RABGAP1L: variants seen among roughly 807,000 people sequenced by gnomAD.
RABGAP1L encodes rab GTPase-activating protein 1-like.
Under a neutral mutation model 137.7 loss-of-function variants are expected in RABGAP1L, and 63 were observed. The observed-to-expected ratio is 0.46, with a 90% CI of 0.37 to 0.56. The LOEUF is 0.56. Among genes scored for constraint, RABGAP1L ranks in the 20% least tolerant of loss-of-function variants. The pLI is 0.00. For missense variants in RABGAP1L, 1,095 were observed against 1,244.0 expected, an observed-to-expected ratio of 0.88 and a Z score of 1.80; for synonymous variants, 431 against 433.7, an observed-to-expected ratio of 0.99 and a Z score of 0.08.
chr1:174,633,161 A>G (rs922866390), intron 13 of RABGAP1L, among the ~76,000 whole-genome samples: 2 of 151,020 alleles, frequency 1.3e-5, no homozygotes, highest in Non-Finnish European at 2.9e-5. Flanking sequence ...AATCTCCTTA[A>G]GCTGATAAGC....
intron 1 of RABGAP1L, among the ~76,000 whole-genome samples, chr1:174,216,520 T>C (rs1669331889): frequency 6.6e-6 from 1 of 151,866 alleles, no homozygotes; most frequent in Admixed American, 6.6e-5. Context: ...GCCATTACCT[T>C]GTAACAGGAT....
intron 16 of RABGAP1L, chr1:174,701,258 T>C (rs886259296): frequency 6.6e-5 from 81 of 1,234,372 alleles, no homozygotes; most frequent in Non-Finnish European, 8.0e-5. Context: ...TTAGAAGATA[T>C]CCAATTTTAT....
intron 14 of RABGAP1L, among the ~76,000 whole-genome samples, chr1:174,670,118 G>A (rs1677067008): frequency 6.6e-6 from 1 of 151,836 alleles, no homozygotes; most frequent in African/African-American, 2.4e-5. Flanking sequence ...ATGAACATGG[G>A]ATATCTTTCC....
chr1:174,242,022 T>G (rs989162367), intron 5 of RABGAP1L, among the ~76,000 whole-genome samples: 1 of 152,246 alleles, frequency 6.6e-6, no homozygotes, highest in African/African-American at 2.4e-5. Context: ...ACGATACCTG[T>G]TTCTCTGATG....
intron 9 of RABGAP1L, among the ~76,000 whole-genome samples, chr1:174,276,262 C>T (rs138905620): frequency 1.1e-3 from 174 of 152,266 alleles, no homozygotes; most frequent in African/African-American, 4.1e-3. Flanking sequence ...ACCTCAGCCT[C>T]CTGAGTAGCT....
intron 10 of RABGAP1L, among the ~76,000 whole-genome samples, chr1:174,286,093 A>G (rs1558100194): frequency 6.6e-6 from 1 of 152,142 alleles, no homozygotes; most frequent in Non-Finnish European, 1.5e-5. Flanking sequence ...GCCCCATGAA[A>G]TGAGTTTGCA....
intron 19 of RABGAP1L, among the ~76,000 whole-genome samples, chr1:174,870,632 G>A (rs1652025480): frequency 6.6e-6 from 1 of 152,018 alleles, no homozygotes; most frequent in Admixed American, 6.6e-5. Flanking sequence ...TACAAAAAAG[G>A]AATAATTATG....
intron 13 of RABGAP1L, among the ~76,000 whole-genome samples, chr1:174,523,670 T>C (rs142159872): frequency 1.3e-5 from 2 of 152,358 alleles, no homozygotes; most frequent in Admixed American, 6.5e-5. Flanking sequence ...TTTTGAAATA[T>C]ATGATAATAC....
At chr1:174,637,598 G>A (rs1174515620) in intron 14 of RABGAP1L, 110 bp downstream of exon 14, 6 of 781,998 alleles carry the variant, frequency 7.7e-6, no homozygotes, top group Admixed American at 4.6e-5. Flanking sequence ...ACTATGCCAT[G>A]TTTTCTGCTT....
At chr1:174,165,075 T>C (rs974154944) in intron 1 of RABGAP1L, among the ~76,000 whole-genome samples, 1 of 152,158 alleles carries the variant, frequency 6.6e-6, no homozygotes, top group Non-Finnish European at 1.5e-5. Flanking sequence ...ACAGTGATAA[T>C]GAAAGGCAGA....
At chr1:174,770,032 T>A (rs573494827) in intron 18 of RABGAP1L, among the ~76,000 whole-genome samples, 4 of 152,142 alleles carry the variant, frequency 2.6e-5, no homozygotes, top group African/African-American at 9.7e-5. Flanking sequence ...GTTACAAAAA[T>A]AGAAGTCTAA....
At chr1:174,777,208 G>A (rs1482751987) in intron 18 of RABGAP1L, among the ~76,000 whole-genome samples, 1 of 152,098 alleles carries the variant, frequency 6.6e-6, no homozygotes, top group Admixed American at 6.5e-5. Flanking sequence ...CTTTTTATGT[G>A]ATGGTATGTG....
At chr1:174,227,493 G>A (rs1052163401) in intron 3 of RABGAP1L, among the ~76,000 whole-genome samples, 3 of 151,748 alleles carry the variant, frequency 2.0e-5, no homozygotes, top group African/African-American at 4.8e-5. Context: ...GAGTCACTGC[G>A]CCCAGCTGAC....
intron 19 of RABGAP1L, chr1:174,874,359 A>G: frequency 2.0e-6 from 1 of 500,766 alleles, no homozygotes. Flanking sequence ...CTCAATTTAC[A>G]TGACCATGAG....
chr1:174,916,943 C>CTGCAGTT (rs1246158834), intron 19 of RABGAP1L, among the ~76,000 whole-genome samples: 5 of 152,186 alleles, frequency 3.3e-5, no homozygotes, highest in Non-Finnish European at 7.4e-5. Context: ...ATATTTATGT[C>CTGCAGTT]TGCAGTTTTG....
chr1:174,754,450 T>C (rs1684563321), intron 18 of RABGAP1L, among the ~76,000 whole-genome samples: 2 of 152,166 alleles, frequency 1.3e-5, no homozygotes, highest in South Asian at 4.1e-4. Context: ...ATTAAAAACT[T>C]TGGAGAAGTT....
At chr1:174,890,438 G>A (rs1285054253) in intron 19 of RABGAP1L, among the ~76,000 whole-genome samples, 1 of 152,138 alleles carries the variant, frequency 6.6e-6, no homozygotes, top group African/African-American at 2.4e-5. Context: ...AGCCAGTAAG[G>A]TTCTAATTAT....
At chr1:174,900,694 A>G (rs1426162665) in intron 19 of RABGAP1L, among the ~76,000 whole-genome samples, 1 of 151,952 alleles carries the variant, frequency 6.6e-6, no homozygotes. Context: ...TAATTTTTCT[A>G]TTTTTAGTAG....
chr1:174,619,111 AC>A (rs1318984736), intron 13 of RABGAP1L, among the ~76,000 whole-genome samples: 1 of 152,134 alleles, frequency 6.6e-6, no homozygotes, highest in Non-Finnish European at 1.5e-5. Flanking sequence ...AAAGAAATGA[AC>A]AAAGCCTCCA....
Sources: gnomAD v4.1 joint callset for allele counts (sites outside exome capture counted in the v4.1 genomes callset) on GRCh38, gnomAD v4.1.1 for gene constraint, MANE v1.5 for transcripts, NCBI Gene and HGNC (gene_info 2026-07-23, HGNC 2026-07-21) for gene names.